The following UGDH variants were observed in gnomAD, a reference collection of about 807,000 sequenced individuals.
The protein encoded by UGDH is UDP-glucose 6-dehydrogenase.
A neutral mutation model predicts 50.6 loss-of-function variants in UGDH; 38 were observed. That is an observed-to-expected ratio of 0.75 (90% CI 0.58 to 0.98). The LOEUF is 0.98. Ranked by LOEUF, UGDH falls within the 50% of genes least tolerant of loss-of-function variation. The pLI, the probability that UGDH is intolerant of heterozygous loss-of-function variation, is 0.00. For missense variants in UGDH, 465 were observed against 606.2 expected, an observed-to-expected ratio of 0.77 and a Z score of 2.45; for synonymous variants, 168 against 199.9, an observed-to-expected ratio of 0.84 and a Z score of 1.35.
intron 11 of UGDH, among the ~76,000 whole-genome samples, chr4:39,500,518 T>C (rs1221965232): frequency 1.3e-5 from 2 of 152,194 alleles, no homozygotes; most frequent in Non-Finnish European, 1.5e-5. Context: ...GTCAATTATG[T>C]GCCACCACTG....
Position 39,523,806 on chromosome 4 carries a change from C to CA in UGDH, c.-7-2288dup, listed in dbSNP as rs35858120. Among the ~76,000 whole-genome samples the CA allele has an allele frequency of 7.5e-3, 631 of 84,684 alleles. 1 individual carries two copies. Among genetic ancestry groups the CA allele is most frequent in the Middle Eastern group, 0.028 (3 of 108 alleles). The allele number at this position is 84,684 out of a possible 152,430, so 55.6% of individuals were successfully genotyped here. A position where few individuals can be genotyped will look rare whatever the true frequency, so the allele number is the denominator to read the frequency against. On this transcript the variant is annotated intron_variant, in intron 1 of 11. Transcript: ENST00000316423. ...GGGCAACAAGCACGAAACTCCATCT[C>CA]AAAAAAAAAAAAAAAAATTATTGAT...
chr4:39,514,773 C>G (rs1483064701), intron 2 of UGDH, among the ~76,000 whole-genome samples: 1 of 150,610 alleles, frequency 6.6e-6, no homozygotes, highest in Admixed American at 6.6e-5. Context: ...ACTTCCGTCT[C>G]CTGGGTTCAA....
intron 6 of UGDH, among the ~76,000 whole-genome samples, chr4:39,508,867 TA>T (rs1354588548): frequency 6.6e-6 from 1 of 151,242 alleles, no homozygotes; most frequent in African/African-American, 2.4e-5. Context: ...ATTTTCTAAC[TA>T]AAATTTCATT....
chr4:39,515,893 T>G (rs1419450751), intron 2 of UGDH, among the ~76,000 whole-genome samples: 1 of 151,246 alleles, frequency 6.6e-6, no homozygotes, highest in Non-Finnish European at 1.5e-5. Context: ...AGAGACGGGG[T>G]TTTTCCATGT....
chr4:39,523,540 C>T (rs935541245), intron 1 of UGDH, among the ~76,000 whole-genome samples: 3 of 152,110 alleles, frequency 2.0e-5, no homozygotes, highest in Non-Finnish European at 4.4e-5. Context: ...CACGGTGGCT[C>T]ATGCCTGTAA....
In UGDH at chr4:39,509,827, TA is replaced by T; in HGVS notation, c.743del (p.Val248GlufsTer4). On this transcript the variant is annotated frameshift_variant, in exon 6 of 12. Transcript: ENST00000316423. LOFTEE classifies it high-confidence loss of function. Reference protein sequence around the residue: ...SALCEATGADVEEVATAIGMD... With the variant: ...SALCEATGADXEEVATAIGMD... ...TTCCAATCGCTGTTGCTACCTCTTCTACATCAGCTCCTGTTGCTTCACACAG... is the reference window on the plus strand; with the variant it reads ...TTCCAATCGCTGTTGCTACCTCTTCTCATCAGCTCCTGTTGCTTCACACAG... 1.2e-6 allele frequency: 2 copies of T among 1,613,636 alleles called. No homozygotes were observed. Among genetic ancestry groups the T allele is most frequent in the Non-Finnish European group, 1.7e-6 (2 of 1,179,986 alleles).
chr4:39,514,831 C>T (rs1560265959), intron 2 of UGDH, among the ~76,000 whole-genome samples: 6 of 151,870 alleles, frequency 4.0e-5, no homozygotes, highest in African/African-American at 2.4e-5. Context: ...TACAGGCATG[C>T]ACCACCACAC....
rs546083569 is a variant in UGDH at position 39,502,257 on chromosome 4, G to A, written c.1374+1618C>T. 1.2e-4 allele frequency among the ~76,000 whole-genome samples: 18 copies of A among 152,328 alleles called. No homozygotes were observed. In the South Asian group the frequency reaches 3.5e-3, roughly 30 times the overall value. On this transcript the variant is annotated intron_variant, in intron 11 of 11. Coordinates refer to ENST00000316423, the MANE Select transcript of UGDH (RefSeq NM_003359.4). ...TCATGTTGTTACTCACTAGGGAGGGGTGGAATAGAAGAGTCCCCAAGGTCT... is the reference window on the plus strand; with the variant it reads ...TCATGTTGTTACTCACTAGGGAGGGATGGAATAGAAGAGTCCCCAAGGTCT...
intron 11 of UGDH, among the ~76,000 whole-genome samples, chr4:39,502,858 C>G (rs1162730396): frequency 6.6e-6 from 1 of 151,370 alleles, no homozygotes; most frequent in African/African-American, 2.4e-5. Context: ...GCAATCCTCC[C>G]ACGTCAGCCT....
At chr4:39,519,980 T>C (rs1746583857) in intron 2 of UGDH, among the ~76,000 whole-genome samples, 1 of 152,182 alleles carries the variant, frequency 6.6e-6, no homozygotes, top group South Asian at 2.1e-4. Flanking sequence ...GAGATAAAAC[T>C]GGATTGAGAC....
Position 39,509,743 on chromosome 4 carries a change from G to C in UGDH, c.811+17C>G. 1 of 1,597,118 alleles carries C rather than the reference G, an allele frequency of 6.3e-7. No homozygotes were observed. Among genetic ancestry groups the C allele is most frequent in the South Asian group, 1.1e-5 (1 of 87,260 alleles). Reference sequence around the variant, plus strand: ...ATAAACACTAGCTCTTTCTACTAGAGAAAAATTTGAATTTACCAACACTGG... The same window carrying C: ...ATAAACACTAGCTCTTTCTACTAGACAAAAATTTGAATTTACCAACACTGG... On this transcript the variant is annotated intron_variant, in intron 6 of 11. Transcript: ENST00000316423.
intron 3 of UGDH, 47 bp downstream of exon 3, chr4:39,514,036 A>G (rs751615780): frequency 7.0e-7 from 1 of 1,437,562 alleles, no homozygotes; most frequent in Non-Finnish European, 9.6e-7. Context: ...AAACTTTTAT[A>G]TAGACAAGAA....
rs768851040 is a variant in UGDH, at chr4:39,500,137, C to T, written c.*6G>A. ...AAAAAAAAATCACAAATAAAAATGG[C>T]AATCTCTACACTTTAGGTTTCTTGT... On this transcript the variant is annotated 3_prime_UTR_variant, in exon 12 of 12. Coordinates refer to ENST00000316423, the MANE Select transcript of UGDH (RefSeq NM_003359.4). 6 of 1,463,042 alleles carry T rather than the reference C, an allele frequency of 4.1e-6. No individual in the cohort carries two copies. Among genetic ancestry groups the T allele is most frequent in the Non-Finnish European group, 4.6e-6 (5 of 1,086,760 alleles). 90.6% of individuals were successfully genotyped at this position (1,463,042 alleles called of 1,614,324 possible).
chr4:39,505,373 A>G lies in UGDH; in HGVS notation c.1038-3T>C, dbSNP rs1219352594. On this transcript the variant is annotated splice_polypyrimidine_tract_variant and splice_region_variant and intron_variant, in intron 8 of 11. Transcript: ENST00000316423. ...TAATATATATACTAGAAGATTCTCT[A>G]TAGGAAAAAAAAAATCAGTATTGGT... 9.3e-6 allele frequency: 14 copies of G among 1,508,472 alleles called. No individual in the cohort carries two copies. The highest frequency in any genetic ancestry group is 1.2e-5 in the Non-Finnish European group (14 of 1,132,866). 93.4% of individuals were successfully genotyped at this position (1,508,472 alleles called of 1,614,324 possible). A position where few individuals can be genotyped will look rare whatever the true frequency, so the allele number is the denominator to read the frequency against.
At chr4:39,525,889 T>G (rs1746868512) in intron 1 of UGDH, among the ~76,000 whole-genome samples, 1 of 152,228 alleles carries the variant, frequency 6.6e-6, no homozygotes, top group South Asian at 2.1e-4. Flanking sequence ...CCTTATTAAA[T>G]GGGTTATTTT....
At chr4:39,507,829 G>A (rs559109084) in intron 7 of UGDH, among the ~76,000 whole-genome samples, 2 of 151,612 alleles carry the variant, frequency 1.3e-5, no homozygotes, top group East Asian at 3.9e-4. Context: ...GTGGTGGTGC[G>A]TTCCTGAAGT....
At chr4:39,504,034 C>G (rs751590484) in intron 10 of UGDH, 49 bp from the exon 11 acceptor site, 1 of 1,514,702 alleles carries the variant, frequency 6.6e-7, no homozygotes, top group Admixed American at 1.8e-5. Context: ...GTGGGCCGGG[C>G]GGAGTGGCTC....
At chr4:39,514,603 T>C (rs1268786030) in intron 2 of UGDH, among the ~76,000 whole-genome samples, 2 of 152,140 alleles carry the variant, frequency 1.3e-5, no homozygotes, top group Non-Finnish European at 2.9e-5. Context: ...ATTCCTGGGC[T>C]CAAACAATCC....
At chr4:39,509,224 C>G (rs575278081) in intron 6 of UGDH, among the ~76,000 whole-genome samples, 1 of 151,616 alleles carries the variant, frequency 6.6e-6, no homozygotes, top group Non-Finnish European at 1.5e-5. Context: ...AAGCAATTTG[C>G]CCGCCTTGGC....
Sources: allele counts gnomAD v4.1 joint callset (sites outside exome capture counted in the v4.1 genomes callset), GRCh38; gene constraint gnomAD v4.1.1; transcripts MANE v1.5; gene names NCBI Gene and HGNC (gene_info 2026-07-23, HGNC 2026-07-21).